Variants in ACSBG2 observed in about 807,000 individuals in gnomAD.
ACSBG2 encodes the protein acyl-CoA synthetase bubblegum family member 2, also known as long-chain-fatty-acid--CoA ligase ACSBG2.
Under a neutral mutation model 74.7 loss-of-function variants are expected in ACSBG2, and 62 were observed. That is an observed-to-expected ratio of 0.83 (90% CI 0.68 to 1.03). The LOEUF (loss-of-function observed/expected upper bound fraction) is 1.03. Among genes scored for constraint, ACSBG2 ranks in the 50% least tolerant of loss-of-function variants. The pLI, the probability that ACSBG2 is intolerant of heterozygous loss-of-function variation, is 0.00. For synonymous variants in ACSBG2, 309 were observed against 294.1 expected (o/e 1.05, Z -0.52); for missense variants, 730 against 817.6 (o/e 0.89, Z 1.31).
chr19:6,185,724 A>C, intron 11 of ACSBG2, 71 bp downstream of exon 11: 1 of 1,537,624 alleles, frequency 6.5e-7, no homozygotes, highest in Admixed American at 1.7e-5. Flanking sequence ...GGCCCAGGGT[A>C]CCAGCACGAA....
chr19:6,148,831 G>A (rs1484586510), intron 3 of ACSBG2, among the ~76,000 whole-genome samples: 2 of 151,964 alleles, frequency 1.3e-5, no homozygotes, highest in Admixed American at 1.3e-4. Flanking sequence ...GACTGAGCAC[G>A]GTGGCTCATG....
At position 6,191,091 on chromosome 19, in the gene ACSBG2, A is replaced by G. The variant is rs142821448; in HGVS notation, c.*35+399A>G. 12 of 175,882 alleles carry G rather than the reference A, an allele frequency of 6.8e-5. No homozygotes were observed. The East Asian group carries it at 1.6e-3, about 23-fold the overall frequency. 10.9% of individuals were successfully genotyped at this position (175,882 alleles called of 1,614,324 possible). On this transcript the variant is annotated intron_variant, in intron 14 of 14. Coordinates refer to ENST00000588485, the MANE Select transcript of ACSBG2 (RefSeq NM_030924.5). ...GTGGAGAAAGTTCTACTTGCCAGGA[A>G]CTCAAGGAATGAGGTGTGTTGGCCC...
Position 6,185,668 on chromosome 19 carries a change from G to A in ACSBG2, c.1540+15G>A. 1 of 1,613,582 alleles carries A rather than the reference G, an allele frequency of 6.2e-7. No individual in the cohort carries two copies. ...CCACATCAAAGGTACCAGGGGCTGA[G>A]CTCTTTGGGAATCTCCTGCAAGCAG... On this transcript the variant is annotated intron_variant, in intron 11 of 14. Transcript: ENST00000588485.
intron 8 of ACSBG2, among the ~76,000 whole-genome samples, chr19:6,181,349 G>GAAGA (rs1330304934): frequency 7.0e-6 from 1 of 142,864 alleles, no homozygotes; most frequent in East Asian, 2.0e-4. Context: ...AGGAAGGAAG[G>GAAGA]AAGAAAGAAA....
intron 14 of ACSBG2, chr19:6,191,769 T>C (rs779623907): frequency 8.5e-5 from 13 of 152,184 alleles, no homozygotes; most frequent in Admixed American, 2.6e-4. Flanking sequence ...TTGTAACTCA[T>C]CATATCCATT....
intron 6 of ACSBG2, chr19:6,161,584 G>T: frequency 3.3e-6 from 1 of 301,236 alleles, no homozygotes; most frequent in Non-Finnish European, 6.4e-6. Flanking sequence ...AAGAAAGTGG[G>T]AGGTAAGCAG....
At chr19:6,163,444 A>C (rs2089689977) in intron 6 of ACSBG2, among the ~76,000 whole-genome samples, 1 of 99,766 alleles carries the variant, frequency 1.0e-5, no homozygotes, top group African/African-American at 3.0e-5. Flanking sequence ...GCGAGACTCC[A>C]TCTAAAAAAA....
At chr19:6,162,480 T>C (rs184660120) in intron 6 of ACSBG2, among the ~76,000 whole-genome samples, 2 of 142,402 alleles carry the variant, frequency 1.4e-5, no homozygotes, top group Admixed American at 7.7e-5. Context: ...GACAGGAGAA[T>C]GGCGTGAACC....
At chr19:6,147,369 A>C (rs1317742671) in intron 2 of ACSBG2, 77 bp from the exon 3 acceptor site, 26 of 1,264,168 alleles carry the variant, frequency 2.1e-5, no homozygotes, top group Non-Finnish European at 2.7e-5. Context: ...AGGTCCAAAA[A>C]GACACCAACC....
chr19:6,140,035 A>G (rs537590121), intron 1 of ACSBG2, among the ~76,000 whole-genome samples: 3 of 152,202 alleles, frequency 2.0e-5, no homozygotes, highest in Non-Finnish European at 4.4e-5. Context: ...CATCCTGGCA[A>G]ACACGGTGAA....
chr19:6,175,097 T>C (rs1169889896), intron 7 of ACSBG2, among the ~76,000 whole-genome samples: 1 of 152,174 alleles, frequency 6.6e-6, no homozygotes, highest in East Asian at 1.9e-4. Context: ...TCATAGACTA[T>C]ACACAACAAG....
Position 6,192,975 on chromosome 19 carries a change from C to T in ACSBG2, c.*343C>T, listed in dbSNP as rs2090602188. On this transcript the variant is annotated 3_prime_UTR_variant, in exon 15 of 15. Coordinates refer to ENST00000588485, the MANE Select transcript of ACSBG2 (RefSeq NM_030924.5). ...TTTTTTTCTCCTCAGGGGACTCAGA[C>T]ATTAGAAAGAAAAAGCCTCACAGAT... 3.3e-5 allele frequency: 5 copies of T among 152,096 alleles called. No homozygotes were observed. Among genetic ancestry groups the T allele is most frequent in the Admixed American group, 2.0e-4 (3 of 15,256 alleles). 9.4% of individuals were successfully genotyped at this position (152,096 alleles called of 1,614,324 possible).
At chr19:6,155,689 C>A (rs144417908) in intron 4 of ACSBG2, among the ~76,000 whole-genome samples, 1 of 150,490 alleles carries the variant, frequency 6.6e-6, no homozygotes, top group East Asian at 2.0e-4. Flanking sequence ...ACTCAGGAGG[C>A]TGAGGCATGA....
intron 11 of ACSBG2, among the ~76,000 whole-genome samples, chr19:6,185,983 T>G (rs545057515): frequency 4.6e-5 from 7 of 152,108 alleles, no homozygotes; most frequent in Non-Finnish European, 1.0e-4. Flanking sequence ...GACATCATTT[T>G]GGCACCTGGA....
chr19:6,183,306 C>A (rs2090315281), intron 10 of ACSBG2, 34 bp downstream of exon 10: 1 of 1,591,006 alleles, frequency 6.3e-7, no homozygotes. Context: ...CTGCTCCTCC[C>A]ATAACATGGG....
At position 6,150,863 on chromosome 19, in the gene ACSBG2, G is replaced by T. The variant is rs1696435800; in HGVS notation, c.298-844G>T. 2.0e-5 allele frequency among the ~76,000 whole-genome samples: 3 copies of T among 152,074 alleles called. No homozygotes were observed. The South Asian group carries it at 6.2e-4, about 32-fold the overall frequency. On this transcript the variant is annotated intron_variant, in intron 3 of 14. Transcript: ENST00000588485. ...GCTGCGTGTGGTGGATTACAGGCGT[G>T]AGCACTTTGGGAGGCTGAGGCGGGA...
rs1328616234 is a variant in ACSBG2, at chr19:6,156,439, G to T, written c.395G>T (p.Cys132Phe). The T allele has an allele frequency of 1.3e-6, 2 of 1,591,890 alleles. No individual in the cohort carries two copies. The highest frequency in any genetic ancestry group is 1.8e-5 in the Admixed American group (1 of 55,362). Residue 132 changes from cysteine (C) to phenylalanine (F), a missense_variant, in exon 5 of 15, where the codon TGT (cysteine) becomes TTT (phenylalanine). Cys to Phe is a radical substitution (Grantham distance 205, BLOSUM62 -2). Transcript: ENST00000588485. ...AVGAILAGGL[C>F]VGIYATNSAE... The stretch of plus-strand genomic sequence containing the variant: ...TTGTTTTCTTTTCCCAGGGGTCTTT[G>T]TGTTGGTATTTATGCCACCAACTCT...
At chr19:6,176,300 G>T in intron 7 of ACSBG2, 1 of 1,384,838 alleles carries the variant, frequency 7.2e-7, no homozygotes, top group South Asian at 2.1e-5. Flanking sequence ...CTTGAGCAAA[G>T]TATGTGAGCG....
At chr19:6,145,336 C>T (rs960638334) in intron 2 of ACSBG2, among the ~76,000 whole-genome samples, 3 of 150,918 alleles carry the variant, frequency 2.0e-5, no homozygotes, top group African/African-American at 4.9e-5. Flanking sequence ...GTGGAGGTTG[C>T]GGTGAGCTCG....
Sources: gnomAD v4.1 joint callset for allele counts (sites outside exome capture counted in the v4.1 genomes callset) on GRCh38, gnomAD v4.1.1 for gene constraint, MANE v1.5 for transcripts, NCBI Gene and HGNC (gene_info 2026-07-23, HGNC 2026-07-21) for gene names.